Variants in RGS10 observed in about 807,000 individuals in gnomAD.
The protein encoded by RGS10 is regulator of G-protein signalling 10.
RGS10 carries 11 observed loss-of-function variants against 23.5 expected under a neutral mutation model. The ratio of observed to expected loss-of-function variants is 0.47; its 90% CI spans 0.29 to 0.77. The LOEUF (loss-of-function observed/expected upper bound fraction) is 0.77, where lower values mean the gene tolerates loss of function less well. Among genes scored for constraint, RGS10 ranks in the 30% least tolerant of loss-of-function variants. The pLI is 0.08. For synonymous variants in RGS10, 77 were observed against 83.2 expected (o/e 0.92, Z 0.41); for missense variants, 180 against 226.3 (o/e 0.80, Z 1.31).
At chr10:119,529,336 C>T (rs1036317195) in intron 1 of RGS10, among the ~76,000 whole-genome samples, 2 of 152,096 alleles carry the variant, frequency 1.3e-5, no homozygotes, top group Non-Finnish European at 2.9e-5. Flanking sequence ...TGCCTGTAGT[C>T]CCAGCTACTT....
intron 4 of RGS10, 152 bp from the exon 5 acceptor site, chr10:119,500,411 AC>A (rs1843939959): frequency 1.4e-6 from 1 of 712,728 alleles, no homozygotes; most frequent in Admixed American, 3.2e-5. Flanking sequence ...CATCTGCTAG[AC>A]AAGGCAGATT....
intron 3 of RGS10, among the ~76,000 whole-genome samples, chr10:119,516,045 A>T (rs900764854): frequency 6.6e-6 from 1 of 152,198 alleles, no homozygotes; most frequent in Admixed American, 6.5e-5. Flanking sequence ...TGAGGTCAGG[A>T]GTTCGAGAGC....
At position 119,534,304 on chromosome 10, in the gene RGS10, T is replaced by A. The variant is rs199715308; in HGVS notation, c.50-6880A>T. Among the ~76,000 whole-genome samples, 806 of 117,250 alleles carry A rather than the reference T, an allele frequency of 6.9e-3. 11 individuals carry two copies. The highest frequency in any genetic ancestry group is 0.028 in the Middle Eastern group (7 of 248). The allele number at this position is 117,250 out of a possible 152,430, so 76.9% of individuals were successfully genotyped here. ...ATAAATAAATAAATAAATAAATAAA[T>A]AAAAAAGGCCAGGCACTGTGGCTCA... On this transcript the variant is annotated intron_variant, in intron 1 of 4. Coordinates refer to ENST00000369103, the MANE Select transcript of RGS10 (RefSeq NM_001005339.2).
chr10:119,528,691 G>T (rs979189155), intron 1 of RGS10, among the ~76,000 whole-genome samples: 3 of 151,978 alleles, frequency 2.0e-5, no homozygotes, highest in Non-Finnish European at 2.9e-5. Flanking sequence ...AAAATTAGTT[G>T]GGTGTGGTGG....
chr10:119,506,035 C>G (rs1006693785), intron 4 of RGS10, among the ~76,000 whole-genome samples: 1 of 152,200 alleles, frequency 6.6e-6, no homozygotes, highest in Non-Finnish European at 1.5e-5. Context: ...TGAATTGCGG[C>G]TCTAGAATGC....
At position 119,524,283 on chromosome 10, in the gene RGS10, C is replaced by T. The variant is rs985938670; in HGVS notation, c.255+1749G>A. 3.9e-5 allele frequency among the ~76,000 whole-genome samples: 6 copies of T among 152,280 alleles called. No individual in the cohort carries two copies. Among genetic ancestry groups the T allele is most frequent in the East Asian group, 1.9e-4 (1 of 5,178 alleles). ...CAAAGATTTGGGGAATTCAACTGAA[C>T]GGAGGCACAGAGCAGCATGGTGGTG... On this transcript the variant is annotated intron_variant, in intron 3 of 4. Coordinates refer to ENST00000369103, the MANE Select transcript of RGS10 (RefSeq NM_001005339.2). The surrounding 1 kb of genome is among the most constrained non-coding windows in gnomAD (Gnocchi z 5.2).
Position 119,517,683 on chromosome 10 carries a change from C to T in RGS10, c.256-2031G>A, listed in dbSNP as rs572551165. 3.3e-5 allele frequency among the ~76,000 whole-genome samples: 5 copies of T among 152,182 alleles called. No individual in the cohort carries two copies. Among genetic ancestry groups the T allele is most frequent in the African/African-American group, 4.8e-5 (2 of 41,440 alleles). On this transcript the variant is annotated intron_variant, in intron 3 of 4. Transcript: ENST00000369103. The surrounding 1 kb of genome is among the most constrained non-coding windows in gnomAD (Gnocchi z 5.0). ...CTTGACATTCACACGCACACACACA[C>T]GCACACACGTGCACACACGCACACA...
At chr10:119,503,473 A>G (rs1564707455) in intron 4 of RGS10, among the ~76,000 whole-genome samples, 1 of 152,156 alleles carries the variant, frequency 6.6e-6, no homozygotes, top group Non-Finnish European at 1.5e-5. Flanking sequence ...GTAAGTGTTT[A>G]CCAGTGGCTG....
At chr10:119,523,976 T>C (rs1309061102) in intron 3 of RGS10, among the ~76,000 whole-genome samples, 2 of 152,118 alleles carry the variant, frequency 1.3e-5, no homozygotes, top group Non-Finnish European at 2.9e-5. Flanking sequence ...CCTTCTGGTC[T>C]TCCCTCAGCT....
At chr10:119,537,311 G>A (rs1338186526) in intron 1 of RGS10, among the ~76,000 whole-genome samples, 1 of 151,078 alleles carries the variant, frequency 6.6e-6, no homozygotes, top group Admixed American at 6.6e-5. Flanking sequence ...GAACCCCGGA[G>A]GTAGAGGTTG....
At chr10:119,526,391 C>T (rs1844273098) in intron 2 of RGS10, among the ~76,000 whole-genome samples, 1 of 152,078 alleles carries the variant, frequency 6.6e-6, no homozygotes, top group Non-Finnish European at 1.5e-5. Context: ...AATAAATTAC[C>T]AAAAAGTAAA....
chr10:119,516,165 T>C (rs1232055184), intron 3 of RGS10, among the ~76,000 whole-genome samples: 1 of 151,136 alleles, frequency 6.6e-6, no homozygotes, highest in Non-Finnish European at 1.5e-5. Context: ...GGCAGGAGAA[T>C]TGCTTGAACC....
At chr10:119,533,630 G>A (rs1310008890) in intron 1 of RGS10, among the ~76,000 whole-genome samples, 2 of 152,166 alleles carry the variant, frequency 1.3e-5, no homozygotes, top group Non-Finnish European at 1.5e-5. Flanking sequence ...ATTTCAGACA[G>A]ATTACACAAG....
intron 4 of RGS10, among the ~76,000 whole-genome samples, chr10:119,512,584 G>C (rs1844091019): frequency 6.6e-6 from 1 of 151,828 alleles, no homozygotes; most frequent in African/African-American, 2.4e-5. Context: ...GTCTCACTCT[G>C]TCGCTCAGGC....
chr10:119,515,002 G>C (rs1358294784), intron 4 of RGS10, among the ~76,000 whole-genome samples: 1 of 152,188 alleles, frequency 6.6e-6, no homozygotes, highest in Admixed American at 6.6e-5. Context: ...AATTCACATG[G>C]AATATGCTGC....
intron 1 of RGS10, chr10:119,536,555 T>A (rs1844391226): frequency 1.3e-6 from 2 of 1,572,904 alleles, no homozygotes; most frequent in East Asian, 4.7e-5. Context: ...AGGCAGAGAC[T>A]GGAGGGCTCC....
chr10:119,540,917 G>T (rs1844429598), intron 1 of RGS10, among the ~76,000 whole-genome samples: 1 of 152,228 alleles, frequency 6.6e-6, no homozygotes. Context: ...CCACTTTGCA[G>T]GTGGAGAAAG....
chr10:119,507,727 G>T (rs1393675465), intron 4 of RGS10, among the ~76,000 whole-genome samples: 3 of 151,886 alleles, frequency 2.0e-5, no homozygotes, highest in Admixed American at 6.6e-5. Flanking sequence ...TGGGATTATA[G>T]GCACATGCAA....
chr10:119,506,604 T>C (rs1844015709), intron 4 of RGS10, among the ~76,000 whole-genome samples: 1 of 152,234 alleles, frequency 6.6e-6, no homozygotes, highest in South Asian at 2.1e-4. Context: ...CACTTTCTGC[T>C]GGGGGTGAAG....
Sources: gnomAD v4.1 joint callset for allele counts (sites outside exome capture counted in the v4.1 genomes callset) on GRCh38, gnomAD v4.1.1 for gene constraint, Gnocchi (gnomAD v3.1) non-coding constraint, MANE v1.5 for transcripts, NCBI Gene and HGNC (gene_info 2026-07-23, HGNC 2026-07-21) for gene names.